The following RASGRF2 variants were observed in gnomAD, a reference collection of about 807,000 sequenced individuals.
The protein encoded by RASGRF2 is Ras protein specific guanine nucleotide releasing factor 2.
In RASGRF2, 76 loss-of-function variants were observed where a neutral mutation model predicts 151.0. The observed-to-expected ratio is 0.50, with a 90% CI of 0.42 to 0.61. RASGRF2 has a LOEUF of 0.61. Among genes scored for constraint, RASGRF2 ranks in the 20% least tolerant of loss-of-function variants. The probability of loss-of-function intolerance (pLI) is 0.00; values close to 1 mark genes in which losing one functional copy is unlikely to be tolerated. For synonymous variants in RASGRF2, 504 were observed against 566.5 expected (o/e 0.89, Z 1.57); for missense variants, 1,148 against 1,564.6 (o/e 0.73, Z 4.49).
intron 17 of RASGRF2, among the ~76,000 whole-genome samples, chr5:81,162,151 C>G (rs905021640): frequency 1.3e-5 from 2 of 148,694 alleles, no homozygotes; most frequent in Non-Finnish European, 3.0e-5. Flanking sequence ...TGCACAAATT[C>G]TCCTTTGCTC....
At chr5:80,994,275 A>G (rs1304774264) in intron 1 of RASGRF2, among the ~76,000 whole-genome samples, 2 of 150,640 alleles carry the variant, frequency 1.3e-5, no homozygotes, top group Non-Finnish European at 2.9e-5. Context: ...CTGAGGCAGG[A>G]GAATGGCGTG....
At chr5:80,965,225 G>C (rs972042721) in intron 1 of RASGRF2, among the ~76,000 whole-genome samples, 3 of 152,044 alleles carry the variant, frequency 2.0e-5, no homozygotes, top group Admixed American at 2.0e-4. Context: ...TGCGAACTCT[G>C]AAATATTTGT....
At chr5:81,102,396 T>C (rs1209583866) in intron 12 of RASGRF2, among the ~76,000 whole-genome samples, 1 of 152,204 alleles carries the variant, frequency 6.6e-6, no homozygotes, top group Non-Finnish European at 1.5e-5. Flanking sequence ...AAAAATCTTC[T>C]TTTTAAAAAT....
At chr5:81,049,247 A>G (rs1418613292) in intron 2 of RASGRF2, among the ~76,000 whole-genome samples, 2 of 150,702 alleles carry the variant, frequency 1.3e-5, no homozygotes, top group East Asian at 3.9e-4. Flanking sequence ...CCCCAAGCCC[A>G]TTTACTTCCT....
intron 22 of RASGRF2, among the ~76,000 whole-genome samples, chr5:81,209,863 C>T (rs1466993127): frequency 6.6e-6 from 1 of 152,180 alleles, no homozygotes; most frequent in Non-Finnish European, 1.5e-5. Flanking sequence ...CTTCATTGTC[C>T]TCTCTGTTCT....
intron 1 of RASGRF2, among the ~76,000 whole-genome samples, chr5:80,994,860 A>G (rs1168131786): frequency 2.6e-5 from 4 of 152,162 alleles, no homozygotes. Flanking sequence ...TAGACAAGAA[A>G]ATTTATCCAT....
At chr5:80,964,081 A>G (rs1445510108) in intron 1 of RASGRF2, among the ~76,000 whole-genome samples, 1 of 151,260 alleles carries the variant, frequency 6.6e-6, no homozygotes, top group Non-Finnish European at 1.5e-5. Context: ...ATATGCTTAG[A>G]TTGTAGGAAT....
chr5:80,996,471 TTTCTTCTTCTTC>T (rs530555928), intron 1 of RASGRF2, among the ~76,000 whole-genome samples: 3 of 38,322 alleles, frequency 7.8e-5, no homozygotes, highest in South Asian at 1.2e-3. Flanking sequence ...ATGTGTAAAG[TTTCTTCTTCTTC>T]TTCTTCTTCT....
chr5:81,105,550 A>T (rs1752823779), intron 12 of RASGRF2, among the ~76,000 whole-genome samples: 1 of 152,184 alleles, frequency 6.6e-6, no homozygotes, highest in South Asian at 2.1e-4. Context: ...TTGTCTCAGT[A>T]ACTATGCCAT....
At chr5:81,189,692 A>G (rs1323834947) in intron 18 of RASGRF2, among the ~76,000 whole-genome samples, 1 of 147,484 alleles carries the variant, frequency 6.8e-6, no homozygotes, top group Non-Finnish European at 1.5e-5. Context: ...ATGTCAGAGG[A>G]TAATCGATGG....
intron 22 of RASGRF2, among the ~76,000 whole-genome samples, chr5:81,208,764 T>C (rs1249065018): frequency 1.3e-5 from 2 of 152,030 alleles, no homozygotes; most frequent in Non-Finnish European, 2.9e-5. Context: ...TCGGCCAGAC[T>C]GGTCTCGAAC....
At chr5:81,104,703 C>A (rs966622758) in intron 12 of RASGRF2, among the ~76,000 whole-genome samples, 2 of 152,120 alleles carry the variant, frequency 1.3e-5, no homozygotes, top group Non-Finnish European at 2.9e-5. Flanking sequence ...TGTAGCTGAT[C>A]AAAAATGTCT....
chr5:81,075,979 G>T (rs559440328), intron 5 of RASGRF2, among the ~76,000 whole-genome samples: 1 of 152,298 alleles, frequency 6.6e-6, no homozygotes, highest in South Asian at 2.1e-4. Flanking sequence ...GAGTGAAGAG[G>T]ATCCTTTGAG....
intron 2 of RASGRF2, among the ~76,000 whole-genome samples, chr5:81,055,403 G>A (rs1751166289): frequency 6.6e-6 from 1 of 152,064 alleles, no homozygotes; most frequent in African/African-American, 2.4e-5. Context: ...TTTTATCGTT[G>A]GTTCTGTTTA....
intron 18 of RASGRF2, among the ~76,000 whole-genome samples, chr5:81,199,793 G>T (rs1755345036): frequency 6.6e-6 from 1 of 151,314 alleles, no homozygotes; most frequent in Admixed American, 6.6e-5. Flanking sequence ...AGCTGCTCAG[G>T]AGGCTGAGAC....
intron 2 of RASGRF2, among the ~76,000 whole-genome samples, chr5:81,060,830 A>T (rs1042245161): frequency 6.6e-6 from 1 of 152,216 alleles, no homozygotes; most frequent in Admixed American, 6.5e-5. Flanking sequence ...GTACAAAAGA[A>T]GTAACTCAAG....
chr5:81,213,221 G>T (rs916580613), intron 23 of RASGRF2, among the ~76,000 whole-genome samples: 64 of 152,274 alleles, frequency 4.2e-4, no homozygotes, highest in African/African-American at 1.5e-3. Flanking sequence ...CTTTGCTGAT[G>T]ATTCATTGGG....
At chr5:81,136,155 AG>A (rs1184421197) in intron 17 of RASGRF2, among the ~76,000 whole-genome samples, 1 of 152,210 alleles carries the variant, frequency 6.6e-6, no homozygotes, top group Non-Finnish European at 1.5e-5. Flanking sequence ...TATTACTTTA[AG>A]CAAAGTTATC....
At chr5:81,214,550 CT>C (rs1755693835) in intron 23 of RASGRF2, among the ~76,000 whole-genome samples, 2 of 152,198 alleles carry the variant, frequency 1.3e-5, no homozygotes. Context: ...ACTTTTGAAA[CT>C]TTTTTGAGCA....
Sources: gnomAD v4.1 joint callset for allele counts (sites outside exome capture counted in the v4.1 genomes callset) on GRCh38, gnomAD v4.1.1 for gene constraint, MANE v1.5 for transcripts, NCBI Gene and HGNC (gene_info 2026-07-23, HGNC 2026-07-21) for gene names.